The following KCNQ5 variants were observed in gnomAD, a reference collection of about 807,000 sequenced individuals.
KCNQ5 encodes potassium voltage-gated channel subfamily Q member 5, also known as potassium voltage-gated channel subfamily KQT member 5.
In KCNQ5, 30 loss-of-function variants were observed where a neutral mutation model predicts 98.2. The observed-to-expected ratio is 0.31, with a 90% CI of 0.23 to 0.41. The LOEUF is 0.41. Ranked by LOEUF, KCNQ5 falls within the 10% of genes least tolerant of loss-of-function variation. The probability of loss-of-function intolerance (pLI) is 1.00; values close to 1 mark genes in which losing one functional copy is unlikely to be tolerated. For missense variants in KCNQ5, 835 were observed against 1,182.5 expected (o/e 0.71, Z 4.31); for synonymous variants, 458 against 449.4 (o/e 1.02, Z -0.24).
At chr6:72,664,907 C>G (rs904943423) in intron 1 of KCNQ5, among the ~76,000 whole-genome samples, 3 of 152,216 alleles carry the variant, frequency 2.0e-5, no homozygotes, top group African/African-American at 7.2e-5. Context: ...TGTCATTAAT[C>G]TCATAAATCT....
At chr6:73,034,839 CTTTTTTT>C (rs71669816) in intron 2 of KCNQ5, among the ~76,000 whole-genome samples, 1 of 113,538 alleles carries the variant, frequency 8.8e-6, no homozygotes, top group African/African-American at 3.1e-5. Flanking sequence ...TGCCTCTTTT[CTTTTTTT>C]TTTTTTTTTT....
intron 1 of KCNQ5, among the ~76,000 whole-genome samples, chr6:72,984,769 GC>G (rs1768673703): frequency 6.6e-6 from 1 of 152,210 alleles, no homozygotes; most frequent in African/African-American, 2.4e-5. Context: ...AGTTGGAAAT[GC>G]AGAAATCACC....
At chr6:73,079,436 C>T (rs1441044158) in intron 5 of KCNQ5, among the ~76,000 whole-genome samples, 1 of 152,146 alleles carries the variant, frequency 6.6e-6, no homozygotes, top group African/African-American at 2.4e-5. Flanking sequence ...CCAATTGTTG[C>T]ATTGTTCCAC....
intron 1 of KCNQ5, among the ~76,000 whole-genome samples, chr6:72,956,544 C>G (rs369120069): frequency 4.6e-5 from 2 of 43,024 alleles, no homozygotes; most frequent in Non-Finnish European, 1.0e-4. Flanking sequence ...TTCTTTCTTT[C>G]TTTTATTTTT....
chr6:72,684,343 T>A (rs1159899042), intron 1 of KCNQ5, among the ~76,000 whole-genome samples: 1 of 152,198 alleles, frequency 6.6e-6, no homozygotes, highest in Non-Finnish European at 1.5e-5. Flanking sequence ...TTAAGGCACA[T>A]CCATGTAGTA....
chr6:72,728,311 T>C (rs554969919), intron 1 of KCNQ5, among the ~76,000 whole-genome samples: 1 of 152,304 alleles, frequency 6.6e-6, no homozygotes, highest in Admixed American at 6.5e-5. Flanking sequence ...TAATCATAAG[T>C]ATGAAATCAA....
intron 1 of KCNQ5, among the ~76,000 whole-genome samples, chr6:72,734,925 A>G (rs1171651592): frequency 6.6e-6 from 1 of 152,136 alleles, no homozygotes; most frequent in East Asian, 1.9e-4. Context: ...CTAATTTTCA[A>G]TTTCACTTCA....
intron 1 of KCNQ5, among the ~76,000 whole-genome samples, chr6:72,837,246 T>C (rs141403493): frequency 6.6e-6 from 1 of 152,344 alleles, no homozygotes; most frequent in Non-Finnish European, 1.5e-5. Flanking sequence ...GAACACTTAA[T>C]ATGCTCCAGG....
At chr6:72,898,049 G>A (rs766583794) in intron 1 of KCNQ5, among the ~76,000 whole-genome samples, 1 of 152,092 alleles carries the variant, frequency 6.6e-6, no homozygotes, top group Non-Finnish European at 1.5e-5. Flanking sequence ...AAAGTTTGCT[G>A]TTTAATTAAT....
In KCNQ5 at chr6:72,676,118, G is replaced by T. The variant is rs564946589; in HGVS notation, c.398+53531G>T. On this transcript the variant is annotated intron_variant, in intron 1 of 13. Transcript: ENST00000370398. The stretch of plus-strand genomic sequence containing the variant: ...ACAAAAGCAGTGTTTTTGGATAATG[G>T]GAGGTAACTAACCTGACTTGATCTA... Among the ~76,000 whole-genome samples the T allele has an allele frequency of 5.3e-5, 8 of 152,214 alleles. No homozygotes were observed. The East Asian group carries it at 1.5e-3, about 29-fold the overall frequency.
At chr6:72,903,601 A>G (rs1321375868) in intron 1 of KCNQ5, among the ~76,000 whole-genome samples, 1 of 152,190 alleles carries the variant, frequency 6.6e-6, no homozygotes, top group Non-Finnish European at 1.5e-5. Context: ...GTGGTCACTC[A>G]GGACCAGGTT....
chr6:72,758,150 A>C (rs1304497000), intron 1 of KCNQ5, among the ~76,000 whole-genome samples: 1 of 151,976 alleles, frequency 6.6e-6, no homozygotes, highest in Admixed American at 6.6e-5. Flanking sequence ...CATTGCAAGC[A>C]GAAGATAAGA....
intron 1 of KCNQ5, among the ~76,000 whole-genome samples, chr6:72,996,975 C>T (rs532767306): frequency 1.2e-4 from 18 of 152,268 alleles, no homozygotes; most frequent in East Asian, 1.9e-4. Flanking sequence ...AAGGAGCACA[C>T]GTCTTCTGTG....
intron 1 of KCNQ5, among the ~76,000 whole-genome samples, chr6:72,627,218 G>A (rs773807216): frequency 1.3e-5 from 2 of 152,130 alleles, no homozygotes; most frequent in Admixed American, 1.3e-4. Context: ...ATTTAGCTTT[G>A]AAAGCCTCTG....
intron 1 of KCNQ5, among the ~76,000 whole-genome samples, chr6:72,711,882 CA>C (rs2154475046): frequency 6.6e-6 from 1 of 152,324 alleles, no homozygotes; most frequent in South Asian, 2.1e-4. Context: ...TTGACAGTTC[CA>C]TTTTGGCCAT....
At chr6:72,678,309 T>C (rs1767521973) in intron 1 of KCNQ5, 1 of 152,180 alleles carries the variant, frequency 6.6e-6, no homozygotes, top group Non-Finnish European at 1.5e-5. Flanking sequence ...AAGTGCATTA[T>C]TACATTGAAT....
chr6:72,748,560 A>G (rs943440756), intron 1 of KCNQ5, among the ~76,000 whole-genome samples: 2 of 152,100 alleles, frequency 1.3e-5, no homozygotes, highest in Admixed American at 6.6e-5. Context: ...GTAAATTCCT[A>G]CACCTTGTTC....
chr6:72,881,669 G>C (rs1454133980), intron 1 of KCNQ5, among the ~76,000 whole-genome samples: 1 of 151,964 alleles, frequency 6.6e-6, no homozygotes, highest in African/African-American at 2.4e-5. Context: ...AAAAGTCAGG[G>C]AATAGATTAT....
intron 1 of KCNQ5, among the ~76,000 whole-genome samples, chr6:72,940,290 T>C (rs1766160744): frequency 6.6e-6 from 1 of 152,244 alleles, no homozygotes; most frequent in African/African-American, 2.4e-5. Flanking sequence ...ATTATTATCA[T>C]TATGCATTAT....
Sources: allele counts gnomAD v4.1 joint callset (sites outside exome capture counted in the v4.1 genomes callset), GRCh38; gene constraint gnomAD v4.1.1; transcripts MANE v1.5; gene names NCBI Gene and HGNC (gene_info 2026-07-23, HGNC 2026-07-21).